TXNDC9: variants seen among roughly 807,000 people sequenced by gnomAD.
The protein encoded by TXNDC9 is thioredoxin domain containing 9, also known as thioredoxin domain-containing protein 9.
In TXNDC9, 7 loss-of-function variants were observed where a neutral mutation model predicts 23.0. That is an observed-to-expected ratio of 0.30 (90% CI 0.17 to 0.57). The LOEUF is 0.57. TXNDC9 is among the 20% of genes least tolerant of loss of function. TXNDC9 has a pLI of 0.90. For synonymous variants in TXNDC9, 72 were observed against 90.6 expected, an observed-to-expected ratio of 0.79 and a Z score of 1.17; for missense variants, 198 against 252.6, an observed-to-expected ratio of 0.78 and a Z score of 1.47.
chr2:99,322,247 C>T (rs1358225477), intron 3 of TXNDC9, 38 bp from the exon 4 acceptor site: 1 of 1,572,794 alleles, frequency 6.4e-7, no homozygotes, highest in Admixed American at 1.9e-5. Context: ...TAAGCTAAAA[C>T]CACAGATCGC....
downstream of TXNDC9, among the ~76,000 whole-genome samples, chr2:99,316,028 G>A (rs957324411): frequency 3.3e-5 from 5 of 151,752 alleles, no homozygotes; most frequent in African/African-American, 9.7e-5. Context: ...TGTTGAATTT[G>A]CAGATTAACT....
chr2:99,320,506 A>G (rs535851062), intron 4 of TXNDC9, among the ~76,000 whole-genome samples: 3 of 152,360 alleles, frequency 2.0e-5, no homozygotes, highest in Admixed American at 2.0e-4. Context: ...TCTCCAAAAT[A>G]AACAGTTTGT....
intron 3 of TXNDC9, among the ~76,000 whole-genome samples, chr2:99,326,719 CCTT>C (rs1433694147): frequency 5.9e-5 from 9 of 152,164 alleles, no homozygotes; most frequent in Non-Finnish European, 1.0e-4. Flanking sequence ...AATCACTTCT[CCTT>C]CTAGCCAAGA....
At chr2:99,325,315 C>CA (rs1272152983) in intron 3 of TXNDC9, among the ~76,000 whole-genome samples, 1 of 152,070 alleles carries the variant, frequency 6.6e-6, no homozygotes, top group African/African-American at 2.4e-5. Context: ...ACATGGGTTC[C>CA]AATCTCTCTC....
At position 99,319,512 on chromosome 2, in the gene TXNDC9, A is replaced by T. The variant is rs1387709483; in HGVS notation, c.*170T>A. The stretch of plus-strand genomic sequence containing the variant: ...GAACTGAGTTTTCCTCAACTTAAAC[A>T]TGATGGCCACACAGAAAACAGTAAA... On this transcript the variant is annotated 3_prime_UTR_variant, in exon 5 of 5. Coordinates refer to ENST00000264255, the MANE Select transcript of TXNDC9 (RefSeq NM_005783.4). 3.9e-6 allele frequency: 2 copies of T among 518,890 alleles called. No individual in the cohort carries two copies. The highest frequency in any genetic ancestry group is 5.0e-4 in the Middle Eastern group (1 of 2,006). 32.1% of individuals were successfully genotyped at this position (518,890 alleles called of 1,614,324 possible).
At position 99,319,639 on chromosome 2, in the gene TXNDC9, TG is replaced by T. The variant is rs775546280; in HGVS notation, c.*42del. ...AGAATTTTAAAAACACATTTAAATC[TG>T]AAGCAGAAAAAAAAAGACAATTTAC... is the stretch of plus-strand genomic sequence containing the variant. On this transcript the variant is annotated 3_prime_UTR_variant, in exon 5 of 5. Coordinates refer to ENST00000264255, the MANE Select transcript of TXNDC9 (RefSeq NM_005783.4). 7.1e-7 allele frequency: 1 copy of T among 1,405,288 alleles called. No individual in the cohort carries two copies. The highest frequency in any genetic ancestry group is 9.9e-7 in the Non-Finnish European group (1 of 1,013,004). The allele number at this position is 1,405,288 out of a possible 1,614,324, so 87.1% of individuals were successfully genotyped here.
Position 99,319,701 on chromosome 2 carries a change from G to C in TXNDC9, c.662C>G (p.Ser221Ter). The C allele has an allele frequency of 6.3e-7, 1 of 1,590,198 alleles. No individual in the cohort carries two copies. Among genetic ancestry groups the C allele is most frequent in the Non-Finnish European group, 8.5e-7 (1 of 1,172,182 alleles). ...TGAGCTCTAATCATCATCAGAGTCTGAATCATATTTCTTTCCTCGGATAGT... is the reference window on the plus strand; with the variant it reads ...TGAGCTCTAATCATCATCAGAGTCTCAATCATATTTCTTTCCTCGGATAGT... ...KKTIRGKKYD[S>*]DSDDD is the part of the protein sequence containing the mutation. The change falls in exon 5 of 5, where the codon TCA (serine) becomes TGA (stop). Residue 221 changes from serine to a stop codon, truncating the protein, a stop_gained. Coordinates refer to ENST00000264255, the MANE Select transcript of TXNDC9 (RefSeq NM_005783.4). LOFTEE classifies it high-confidence loss of function.
intron 2 of TXNDC9, among the ~76,000 whole-genome samples, chr2:99,327,859 A>C (rs1307090217): frequency 6.7e-6 from 1 of 148,580 alleles, no homozygotes; most frequent in African/African-American, 2.5e-5. Flanking sequence ...ATCTTGGCTC[A>C]CTGCAACCTC....
the TXNDC9 span, among the ~76,000 whole-genome samples, chr2:99,309,858 G>T: frequency 2.6e-4 from 39 of 151,654 alleles, no homozygotes; most frequent in African/African-American, 9.2e-4. Context: ...GCTAATTTTT[G>T]TATTTTTAGT....
intron 3 of TXNDC9, chr2:99,322,484 G>C: frequency 7.2e-7 from 1 of 1,380,422 alleles, no homozygotes; most frequent in Non-Finnish European, 9.5e-7. Flanking sequence ...AAGTCATAAA[G>C]GAAGTTGTCC....
intron 3 of TXNDC9, chr2:99,322,547 C>A (rs1389882349): frequency 1.3e-6 from 2 of 1,497,112 alleles, no homozygotes; most frequent in Non-Finnish European, 1.8e-6. Flanking sequence ...TGACAAAACT[C>A]GGAAGAGACT....
intron 2 of TXNDC9, among the ~76,000 whole-genome samples, chr2:99,329,675 A>G (rs988692774): frequency 1.3e-5 from 2 of 152,202 alleles, no homozygotes; most frequent in Non-Finnish European, 2.9e-5. Context: ...GCCCTTAAAA[A>G]GTATTTGTTA....
chr2:99,312,030 G>A, the TXNDC9 span, among the ~76,000 whole-genome samples: 4 of 152,198 alleles, frequency 2.6e-5, no homozygotes, highest in African/African-American at 7.2e-5. Flanking sequence ...AACCTGGGAG[G>A]CTGAGGGGGC....
chr2:99,315,177 C>T (rs1309781220), downstream of TXNDC9, among the ~76,000 whole-genome samples: 6 of 151,890 alleles, frequency 4.0e-5, no homozygotes, highest in South Asian at 4.2e-4. Context: ...ATTCTCCTGC[C>T]GCAGTCTCCT....
chr2:99,310,796 TAC>T, the TXNDC9 span, among the ~76,000 whole-genome samples: 1 of 152,108 alleles, frequency 6.6e-6, no homozygotes, highest in Non-Finnish European at 1.5e-5. Context: ...AAAATAAACT[TAC>T]ATTGTTTTAA....
the TXNDC9 span, among the ~76,000 whole-genome samples, chr2:99,312,512 A>AT: frequency 1.3e-5 from 2 of 151,928 alleles, no homozygotes; most frequent in African/African-American, 4.8e-5. Context: ...AAAAAAAAAA[A>AT]AGAAAGAAAA....
chr2:99,314,760 C>T (rs1053694597), downstream of TXNDC9, among the ~76,000 whole-genome samples: 3 of 151,570 alleles, frequency 2.0e-5, no homozygotes, highest in Non-Finnish European at 4.4e-5. Context: ...TTATAATCAT[C>T]CTGGCTGGTG....
chr2:99,307,936 T>C, the TXNDC9 span, among the ~76,000 whole-genome samples: 1 of 152,262 alleles, frequency 6.6e-6, no homozygotes, highest in South Asian at 2.1e-4. Flanking sequence ...ACCATGAGTA[T>C]TGGTTCTATA....
downstream of TXNDC9, among the ~76,000 whole-genome samples, chr2:99,316,555 GCAT>G (rs2094189474): frequency 6.6e-6 from 1 of 151,674 alleles, no homozygotes; most frequent in African/African-American, 2.4e-5. Context: ...GTTTTGGTAT[GCAT>G]CTTTCTATGT....
Sources: gnomAD v4.1 joint callset for allele counts (sites outside exome capture counted in the v4.1 genomes callset) on GRCh38, gnomAD v4.1.1 for gene constraint, MANE v1.5 for transcripts, NCBI Gene and HGNC (gene_info 2026-07-23, HGNC 2026-07-21) for gene names.